Variants in PTPRG observed in about 807,000 individuals in gnomAD.
The protein encoded by PTPRG is receptor-type tyrosine-protein phosphatase gamma.
In PTPRG, 102 loss-of-function variants were observed where a neutral mutation model predicts 165.3. The observed-to-expected ratio is 0.62, with a 90% confidence interval of 0.53 to 0.73. The LOEUF (loss-of-function observed/expected upper bound fraction) is 0.73, where lower values mean the gene tolerates loss of function less well. Ranked by LOEUF, PTPRG falls within the 30% of genes least tolerant of loss-of-function variation. PTPRG has a pLI of 0.00. For synonymous variants in PTPRG, 675 were observed against 669.5 expected (o/e 1.01, Z -0.13); for missense variants, 1,866 against 1,861.4 (o/e 1.00, Z -0.05).
chr3:61,943,977 C>CT (rs1041521564), intron 2 of PTPRG, among the ~76,000 whole-genome samples: 1 of 152,084 alleles, frequency 6.6e-6, no homozygotes, highest in Non-Finnish European at 1.5e-5. Flanking sequence ...AGTAATTTAA[C>CT]TTTTTTTTCG....
intron 1 of PTPRG, among the ~76,000 whole-genome samples, chr3:61,603,933 G>A (rs1360426870): frequency 6.6e-6 from 1 of 152,166 alleles, no homozygotes; most frequent in Admixed American, 6.6e-5. Context: ...ACCTTAACCA[G>A]TTATATCCAC....
chr3:61,984,896 A>G (rs930040151), intron 2 of PTPRG, among the ~76,000 whole-genome samples: 5 of 152,232 alleles, frequency 3.3e-5, no homozygotes, highest in African/African-American at 1.2e-4. Context: ...TCAATTATAT[A>G]GAATGTTCCC....
intron 4 of PTPRG, among the ~76,000 whole-genome samples, 176 bp downstream of exon 4, chr3:62,003,673 C>A (rs1406761571): frequency 6.6e-6 from 1 of 152,160 alleles, no homozygotes; most frequent in Non-Finnish European, 1.5e-5. Context: ...TGTTTCTCAC[C>A]TTTGTTTAAC....
At chr3:61,805,751 T>C (rs1039465060) in intron 2 of PTPRG, among the ~76,000 whole-genome samples, 3 of 152,146 alleles carry the variant, frequency 2.0e-5, no homozygotes, top group Admixed American at 6.5e-5. Context: ...GTATTTACTG[T>C]GTGATTGGAA....
At chr3:62,125,149 C>T (rs765943086) in intron 5 of PTPRG, among the ~76,000 whole-genome samples, 23 of 152,258 alleles carry the variant, frequency 1.5e-4, no homozygotes, top group Middle Eastern at 3.4e-3. Context: ...AGGTCATTTA[C>T]GTCATTTTAA....
At chr3:61,851,402 C>T (rs1047902317) in intron 2 of PTPRG, among the ~76,000 whole-genome samples, 3 of 151,908 alleles carry the variant, frequency 2.0e-5, no homozygotes, top group Non-Finnish European at 4.4e-5. Flanking sequence ...AACATATTAA[C>T]ACAAAAGAAA....
intron 2 of PTPRG, among the ~76,000 whole-genome samples, chr3:61,878,632 T>C (rs1050086785): frequency 2.6e-5 from 4 of 152,178 alleles, no homozygotes; most frequent in Admixed American, 2.0e-4. Flanking sequence ...TAACTGGGAC[T>C]ACAGGCGTGT....
intron 2 of PTPRG, among the ~76,000 whole-genome samples, chr3:61,866,659 G>A (rs750805403): frequency 8.1e-5 from 11 of 136,130 alleles, no homozygotes; most frequent in Non-Finnish European, 1.2e-4. Flanking sequence ...GAGTGCAGTG[G>A]TACGGTATCA....
At chr3:62,218,083 C>T (rs1700554927) in intron 12 of PTPRG, among the ~76,000 whole-genome samples, 1 of 152,084 alleles carries the variant, frequency 6.6e-6, no homozygotes, top group Non-Finnish European at 1.5e-5. Flanking sequence ...TTAGGAAAAA[C>T]AGGATCTCTG....
chr3:62,099,065 C>A (rs1702205380), intron 5 of PTPRG, among the ~76,000 whole-genome samples: 1 of 152,210 alleles, frequency 6.6e-6, no homozygotes, highest in African/African-American at 2.4e-5. Flanking sequence ...CCTGCCTACA[C>A]ATATAGTTGC....
rs115480612 is a variant in PTPRG, at chr3:62,201,472, A to G, written c.1328-33A>G. ...TCTTGTTAGAGCCACAAAAAAAGTT[A>G]TATTGCTTAAATGTAATTTCTTTGT... On this transcript the variant is annotated intron_variant, in intron 10 of 29. Transcript: ENST00000474889. 1.2e-3 allele frequency: 1,886 copies of G among 1,567,850 alleles called. 21 individuals carry two copies. The African/African-American group carries it at 0.023, about 19-fold the overall frequency.
chr3:62,008,073 A>G (rs1163157608), intron 4 of PTPRG, among the ~76,000 whole-genome samples: 1 of 152,216 alleles, frequency 6.6e-6, no homozygotes, highest in Non-Finnish European at 1.5e-5. Context: ...GTCCAGCCAC[A>G]GTTATCTATG....
chr3:61,754,744 T>C (rs1437006960), intron 2 of PTPRG, among the ~76,000 whole-genome samples: 1 of 152,216 alleles, frequency 6.6e-6, no homozygotes, highest in Non-Finnish European at 1.5e-5. Flanking sequence ...ACTTAAGATA[T>C]AATTAAATTC....
At chr3:61,769,002 A>T (rs1296509096) in intron 2 of PTPRG, among the ~76,000 whole-genome samples, 1 of 152,184 alleles carries the variant, frequency 6.6e-6, no homozygotes, top group East Asian at 1.9e-4. Flanking sequence ...CATTAGAAGT[A>T]TTTTCCTTTC....
At chr3:61,903,151 G>A (rs546820504) in intron 2 of PTPRG, among the ~76,000 whole-genome samples, 55 of 152,004 alleles carry the variant, frequency 3.6e-4, no homozygotes, top group Admixed American at 2.8e-3. Context: ...TATCTGTCCC[G>A]TGCTGTTCTC....
At chr3:61,776,674 A>G (rs996302804) in intron 2 of PTPRG, among the ~76,000 whole-genome samples, 2 of 151,090 alleles carry the variant, frequency 1.3e-5, no homozygotes, top group African/African-American at 2.4e-5. Flanking sequence ...TCTGCTTGCA[A>G]TTATCTGTAG....
rs568236179 is a variant in PTPRG at position 61,608,992 on chromosome 3, A to G, written c.85+46620A>G. The stretch of plus-strand genomic sequence containing the variant: ...CAGCATGAGGAGTGGCAGGAGTACC[A>G]GTGTTTGCCCTCGATGTGTGAGGTT... On this transcript the variant is annotated intron_variant, in intron 1 of 29. Coordinates refer to ENST00000474889, the MANE Select transcript of PTPRG (RefSeq NM_002841.4). Among the ~76,000 whole-genome samples the G allele has an allele frequency of 7.2e-5, 11 of 152,292 alleles. No homozygotes were observed. In the East Asian group the frequency reaches 2.1e-3, roughly 29 times the overall value.
chr3:61,790,745 AT>A lies in PTPRG; in HGVS notation c.190+41778del, dbSNP rs367605654. Among the ~76,000 whole-genome samples the A allele has an allele frequency of 8.8e-3, 1,220 of 138,374 alleles. 6 individuals carry two copies. Among genetic ancestry groups the A allele is most frequent in the African/African-American group, 0.021 (794 of 37,938 alleles). 90.8% of individuals were successfully genotyped at this position (138,374 alleles called of 152,430 possible). On this transcript the variant is annotated intron_variant, in intron 2 of 29. Coordinates refer to ENST00000474889, the MANE Select transcript of PTPRG (RefSeq NM_002841.4). ...TTTCAGAAATTCTTTGACTTCTGTG[AT>A]TTTTTTTTTTTTTTGGTTTGGTAAT...
At chr3:61,570,316 ATG>A (rs1437962402) in intron 1 of PTPRG, among the ~76,000 whole-genome samples, 4 of 152,122 alleles carry the variant, frequency 2.6e-5, no homozygotes, top group African/African-American at 9.7e-5. Flanking sequence ...AAACAACAAA[ATG>A]TGATTTTAAA....
Sources: gnomAD v4.1 joint callset for allele counts (sites outside exome capture counted in the v4.1 genomes callset) on GRCh38, gnomAD v4.1.1 for gene constraint, MANE v1.5 for transcripts, NCBI Gene and HGNC (gene_info 2026-07-23, HGNC 2026-07-21) for gene names.